Variants in VRK2 observed in about 807,000 individuals in gnomAD.
VRK2 encodes the protein VRK serine/threonine kinase 2, also known as serine/threonine-protein kinase VRK2.
In VRK2, 60 loss-of-function variants were observed where a neutral mutation model predicts 57.6. The ratio of observed to expected loss-of-function variants is 1.04; its 90% CI spans 0.85 to 1.29. The LOEUF (loss-of-function observed/expected upper bound fraction) is 1.29, where lower values mean the gene tolerates loss of function less well. Ranked by LOEUF, VRK2 falls within the 50% of genes most tolerant of loss-of-function variation. The pLI is 0.00. For missense variants in VRK2, 705 were observed against 588.1 expected, an observed-to-expected ratio of 1.20 and a Z score of -2.06; for synonymous variants, 231 against 199.2, an observed-to-expected ratio of 1.16 and a Z score of -1.35.
chr2:57,931,003 T>C (rs1209367684), intron 1 of VRK2, among the ~76,000 whole-genome samples: 1 of 152,080 alleles, frequency 6.6e-6, no homozygotes, highest in Non-Finnish European at 1.5e-5. Flanking sequence ...ACATATTATA[T>C]ATTATGCATT....
intron 2 of VRK2, among the ~76,000 whole-genome samples, chr2:58,063,611 T>C (rs1245005901): frequency 6.6e-6 from 1 of 152,096 alleles, no homozygotes; most frequent in Non-Finnish European, 1.5e-5. Flanking sequence ...CAATGCACTT[T>C]AGTTACCCAA....
intron 12 of VRK2, among the ~76,000 whole-genome samples, chr2:58,148,727 C>A (rs1277696183): frequency 6.6e-6 from 1 of 151,600 alleles, no homozygotes; most frequent in Non-Finnish European, 1.5e-5. Context: ...TTGAGGTTCT[C>A]TTTTTCATAT....
chr2:57,908,610 T>C (rs1221908652), intron 1 of VRK2, among the ~76,000 whole-genome samples: 1 of 152,188 alleles, frequency 6.6e-6, no homozygotes, highest in Non-Finnish European at 1.5e-5. Flanking sequence ...ATAAACCTTT[T>C]TGAGGCATCC....
intron 7 of VRK2, among the ~76,000 whole-genome samples, chr2:58,099,523 A>G (rs1435248474): frequency 6.6e-6 from 1 of 152,042 alleles, no homozygotes; most frequent in African/African-American, 2.4e-5. Flanking sequence ...TGCTTAAGGC[A>G]TGAGGCCAGT....
chr2:57,926,443 G>A (rs1469050449), intron 1 of VRK2, among the ~76,000 whole-genome samples: 3 of 19,874 alleles, frequency 1.5e-4, no homozygotes. Flanking sequence ...ATATATATGT[G>A]TGTGTGTGTG....
At chr2:57,910,936 T>A (rs1038835405) in intron 1 of VRK2, among the ~76,000 whole-genome samples, 105 of 152,188 alleles carry the variant, frequency 6.9e-4, no homozygotes, top group African/African-American at 2.5e-3. Context: ...GTTTGCAGAC[T>A]AGGCCCAAAT....
chr2:57,980,144 C>T (rs184562987), intron 1 of VRK2, among the ~76,000 whole-genome samples: 10 of 152,024 alleles, frequency 6.6e-5, no homozygotes, highest in Middle Eastern at 3.2e-3. Flanking sequence ...AATTTGAGAC[C>T]TTTCTAACTT....
intron 11 of VRK2, among the ~76,000 whole-genome samples, chr2:58,142,620 T>C (rs928595654): frequency 6.6e-6 from 1 of 151,854 alleles, no homozygotes. Flanking sequence ...AGTCTCTTTA[T>C]GCCACCCACT....
chr2:58,139,339 T>C (rs934587103), intron 10 of VRK2, among the ~76,000 whole-genome samples: 4 of 152,138 alleles, frequency 2.6e-5, no homozygotes, highest in African/African-American at 9.7e-5. Context: ...GTATTATTTA[T>C]GTAGTCCTTA....
chr2:58,046,377 TCCTAACTGGAGTCTTCGC>T (rs1434194454), upstream of VRK2: 13 of 573,526 alleles, frequency 2.3e-5, no homozygotes, highest in Non-Finnish European at 2.4e-5. Context: ...ATACAGGCCC[TCCTAACTGGAGTCTTCGC>T]TAGTACCAAT....
At chr2:58,050,816 T>G (rs564685812) in intron 2 of VRK2, among the ~76,000 whole-genome samples, 2 of 152,316 alleles carry the variant, frequency 1.3e-5, no homozygotes, top group South Asian at 2.1e-4. Context: ...AATATTTGCT[T>G]CTTTCAGTCT....
chr2:58,106,194 C>T (rs1573132074), intron 7 of VRK2, among the ~76,000 whole-genome samples: 1 of 151,800 alleles, frequency 6.6e-6, no homozygotes, highest in East Asian at 1.9e-4. Context: ...TCCTTGAGAA[C>T]TTGTGTCAAA....
At chr2:58,040,692 C>T (rs1674421686) in intron 3 of VRK2, among the ~76,000 whole-genome samples, 1 of 152,168 alleles carries the variant, frequency 6.6e-6, no homozygotes, top group South Asian at 2.1e-4. Flanking sequence ...TGGAAGAAGG[C>T]AGCTAGCAAC....
intron 2 of VRK2, among the ~76,000 whole-genome samples, chr2:58,031,222 C>T (rs571041300): frequency 1.3e-5 from 2 of 152,066 alleles, no homozygotes; most frequent in South Asian, 4.2e-4. Context: ...CCAGTGTCTG[C>T]ACTGTGGGTA....
At chr2:58,145,557 T>C (rs1681982746) in intron 11 of VRK2, among the ~76,000 whole-genome samples, 1 of 152,066 alleles carries the variant, frequency 6.6e-6, no homozygotes, top group Non-Finnish European at 1.5e-5. Context: ...CTAAAAATGC[T>C]GTTTTCAGTA....
chr2:57,964,894 A>C (rs1360281513), intron 1 of VRK2, among the ~76,000 whole-genome samples: 1 of 151,042 alleles, frequency 6.6e-6, no homozygotes, highest in African/African-American at 2.4e-5. Flanking sequence ...AAAAAAAAAA[A>C]AAAAAAAAAA....
chr2:58,010,551 C>A (rs1014198110), intron 1 of VRK2, among the ~76,000 whole-genome samples: 2 of 152,058 alleles, frequency 1.3e-5, no homozygotes, highest in African/African-American at 4.8e-5. Flanking sequence ...TTTTGCTCAC[C>A]CCATCAGGGA....
chr2:58,073,962 C>A (rs1319483833), intron 2 of VRK2, among the ~76,000 whole-genome samples: 1 of 151,992 alleles, frequency 6.6e-6, no homozygotes, highest in Non-Finnish European at 1.5e-5. Context: ...CCTGCCTTTC[C>A]CAGCCCACGA....
chr2:58,076,103 CTTCT>C (rs1419241336), intron 2 of VRK2, among the ~76,000 whole-genome samples: 71 of 124,336 alleles, frequency 5.7e-4, no homozygotes, highest in African/African-American at 2.4e-3. Flanking sequence ...TAGCTACTGT[CTTCT>C]TTTTTTTTTT....
Sources: allele counts gnomAD v4.1 joint callset (sites outside exome capture counted in the v4.1 genomes callset), GRCh38; gene constraint gnomAD v4.1.1; transcripts MANE v1.5; gene names NCBI Gene and HGNC (gene_info 2026-07-23, HGNC 2026-07-21).